Variants in HIC1 observed in about 807,000 individuals in gnomAD.
HIC1 encodes HIC ZBTB transcriptional repressor 1, also known as hypermethylated in cancer 1 protein.
Under a neutral mutation model 26.4 loss-of-function variants are expected in HIC1, and 9 were observed. The ratio of observed to expected loss-of-function variants is 0.34; its 90% confidence interval spans 0.21 to 0.59. HIC1 has a LOEUF of 0.59. HIC1 is among the 20% of genes least tolerant of loss of function. The pLI, the probability that HIC1 is intolerant of heterozygous loss-of-function variation, is 0.82. For missense variants in HIC1, 965 were observed against 1,075.7 expected (o/e 0.90, Z 1.44); for synonymous variants, 631 against 523.1 (o/e 1.21, Z -2.81).
chr17:2,057,323 T>G lies in HIC1; in HGVS notation c.633T>G (p.Cys211Trp). 4.0e-6 allele frequency: 6 copies of G among 1,502,986 alleles called. No homozygotes were observed. The highest frequency in any genetic ancestry group is 4.4e-6 in the Non-Finnish European group (5 of 1,134,758). The allele number at this position is 1,502,986 out of a possible 1,614,324, so 93.1% of individuals were successfully genotyped here. Residue 211 changes from cysteine to tryptophan, a missense_variant, in exon 2 of 2, where the codon TGT (cysteine) becomes TGG (tryptophan). Coordinates refer to ENST00000619757, the MANE Select transcript of HIC1 (RefSeq NM_006497.4). ...GACCCGGCCCGGCCGCCGCACTCTG[T>G]GCCTCGGAGCGCCGCTGCTCCCCTC... is the stretch of plus-strand genomic sequence containing the variant. ...ASGPGPAAAL[C>W]ASERRCSPLC...
Position 2,058,457 on chromosome 17 carries a change from C to T in HIC1, c.1767C>T (p.Ser589=). The change falls in exon 2 of 2, where the codon AGC becomes AGT. Residue 589 remains serine, a synonymous_variant. Coordinates refer to ENST00000619757, the MANE Select transcript of HIC1 (RefSeq NM_006497.4). Reference sequence around the variant, plus strand: ...TCGCACAGCAACGCAACCTCATCAGCCACATGAAGATGCACGCCGTGGGGG... The same window carrying T: ...TCGCACAGCAACGCAACCTCATCAGTCACATGAAGATGCACGCCGTGGGGG... ...GKFAQQRNLI[S]HMKMHAVGGA... 2 of 1,582,134 alleles carry T rather than the reference C, an allele frequency of 1.3e-6. No individual in the cohort carries two copies. The highest frequency in any genetic ancestry group is 1.7e-6 in the Non-Finnish European group (2 of 1,166,464).
At chr17:2,056,303 G>A (rs765676357) in intron 1 of HIC1, 11 of 1,612,624 alleles carry the variant, frequency 6.8e-6, no homozygotes, top group East Asian at 2.2e-5. Flanking sequence ...AAAGTTCTCC[G>A]CCCTGAATGA....
At position 2,057,777 on chromosome 17, in the gene HIC1, G is replaced by A; in HGVS notation, c.1087G>A (p.Gly363Ser). ...CCTGGCGCCGCCGCCGCGCTACCCT[G>A]GCAGCCTGGACGGGCCCGGCGCGGG... is the stretch of plus-strand genomic sequence containing the variant. ...LGLAPPPRYP[G>S]SLDGPGAGGD... is the part of the protein sequence containing the mutation. The change falls in exon 2 of 2, where the codon GGC becomes AGC. Residue 363 changes from glycine (G) to serine (S), a missense_variant. Gly to Ser is a moderately conservative substitution (Grantham distance 56). Transcript: ENST00000619757. The A allele has an allele frequency of 6.7e-7, 1 of 1,503,686 alleles. No homozygotes were observed. Among genetic ancestry groups the A allele is most frequent in the Non-Finnish European group, 8.8e-7 (1 of 1,132,360 alleles). 93.1% of individuals were successfully genotyped at this position (1,503,686 alleles called of 1,614,324 possible). A position where few individuals can be genotyped will look rare whatever the true frequency, so the allele number is the denominator to read the frequency against.
chr17:2,055,738 C>G lies in HIC1; in HGVS notation c.-21+500C>G, dbSNP rs2151367650. Among the ~76,000 whole-genome samples, 1 of 151,764 alleles carries G rather than the reference C, an allele frequency of 6.6e-6. No individual in the cohort carries two copies. Among genetic ancestry groups the G allele is most frequent in the East Asian group, 1.9e-4 (1 of 5,132 alleles). On this transcript the variant is annotated intron_variant, in intron 1 of 1. Coordinates refer to ENST00000619757, the MANE Select transcript of HIC1 (RefSeq NM_006497.4). The surrounding 1 kb of genome is among the most constrained non-coding windows in gnomAD (Gnocchi z 6.4). ...GGGCTCTGCCGCCGGATTTGGGGGC[C>G]GCGAGGAAGAGCTGCGAGCCGAGGG...
chr17:2,061,305 G>C lies in HIC1; in HGVS notation c.*2470G>C. 1.6e-6 allele frequency: 1 copy of C among 610,852 alleles called. No homozygotes were observed. The highest frequency in any genetic ancestry group is 2.0e-5 in the South Asian group (1 of 49,644). The allele number at this position is 610,852 out of a possible 1,614,324, so 37.8% of individuals were successfully genotyped here. On this transcript the variant is annotated 3_prime_UTR_variant, in exon 2 of 2. Transcript: ENST00000619757. ...AGGAGGGTCCCAGCAGCTTCCGCCC[G>C]ATCCTTGGGAGGGGCTCTGTGAGGA...
Position 2,061,610 on chromosome 17 carries a change from C to G in HIC1, c.*2775C>G. ...CAACAGCACCACCTCCCGCAGTAGC[C>G]GGATTGGCTCCTCTGTGGGCATGAG... On this transcript the variant is annotated 3_prime_UTR_variant, in exon 2 of 2. Coordinates refer to ENST00000619757, the MANE Select transcript of HIC1 (RefSeq NM_006497.4). 1 of 1,571,982 alleles carries G rather than the reference C, an allele frequency of 6.4e-7. No homozygotes were observed.
intron 1 of HIC1, chr17:2,056,098 C>T (rs1454297612): frequency 7.2e-5 from 18 of 251,448 alleles, no homozygotes; most frequent in Non-Finnish European, 7.4e-6. Context: ...CGCGCTCTGC[C>T]CGCCACGGCA....
At position 2,058,797 on chromosome 17, in the gene HIC1, C is replaced by A; in HGVS notation, c.2107C>A (p.Pro703Thr). 1.3e-6 allele frequency: 2 copies of A among 1,503,246 alleles called. No individual in the cohort carries two copies. The highest frequency in any genetic ancestry group is 1.8e-6 in the Non-Finnish European group (2 of 1,133,006). 93.1% of individuals were successfully genotyped at this position (1,503,246 alleles called of 1,614,324 possible). Residue 703 changes from proline (P) to threonine (T), a missense_variant, in exon 2 of 2, where the codon CCC becomes ACC. By Grantham distance (38) the Pro-to-Thr change is conservative (BLOSUM62 -1). This residue lies in a region of HIC1 where 210 missense variants were observed against 179.2 expected (regional missense o/e 1.17). Transcript: ENST00000619757. ...CCAGGGCGCTCACCTGGCGGCCGGG[C>A]CCGACGGCCGGACCATCGACCGTTT... ...LSQGAHLAAGPDGRTIDRFSP... is the reference protein window; with the variant it reads ...LSQGAHLAAGTDGRTIDRFSP...
In HIC1 at chr17:2,062,537, C is replaced by G. The variant is rs1050209564; in HGVS notation, c.*3702C>G. The G allele has an allele frequency of 6.6e-6, 1 of 151,150 alleles. No individual in the cohort carries two copies. The highest frequency in any genetic ancestry group is 1.5e-5 in the Non-Finnish European group (1 of 67,936). The allele number at this position is 151,150 out of a possible 1,614,324, so 9.4% of individuals were successfully genotyped here. A position where few individuals can be genotyped will look rare whatever the true frequency, so the allele number is the denominator to read the frequency against. ...TTTAAGCACAGTCTCTCCACTACCT[C>G]TCTTTCCCTAACTCCCTAATCTTTA... On this transcript the variant is annotated 3_prime_UTR_variant, in exon 2 of 2. Transcript: ENST00000619757.
chr17:2,058,548 G>A lies in HIC1; in HGVS notation c.1858G>A (p.Gly620Ser), dbSNP rs758757068. The A allele has an allele frequency of 2.6e-6, 4 of 1,530,708 alleles. No homozygotes were observed. The highest frequency in any genetic ancestry group is 1.7e-4 in the Middle Eastern group (1 of 5,862). 94.8% of individuals were successfully genotyped at this position (1,530,708 alleles called of 1,614,324 possible). A position where few individuals can be genotyped will look rare whatever the true frequency, so the allele number is the denominator to read the frequency against. The change falls in exon 2 of 2, where the codon GGC (glycine) becomes AGC (serine). Residue 620 changes from glycine to serine, a missense_variant. Physicochemically the swap from Gly to Ser is moderately conservative, Grantham distance 56 (BLOSUM62 0). This residue lies in a region of HIC1 where 210 missense variants were observed against 179.2 expected (regional missense o/e 1.17). Transcript: ENST00000619757. ...GCTCCCCGGCGTCCCCGGCCCCGAC[G>A]GCAAGGGCAAGCTCGACTTCCCCGA... ...GGLPGVPGPD[G>S]KGKLDFPEGV...
At position 2,061,212 on chromosome 17, in the gene HIC1, C is replaced by G. The variant is rs999329111; in HGVS notation, c.*2377C>G. ...GAGGGAGAAAGGCTGAGAGCATGGG[C>G]GGCCTATCTGGCTTGCCCAGCTGCT... is the stretch of plus-strand genomic sequence containing the variant. On this transcript the variant is annotated 3_prime_UTR_variant, in exon 2 of 2. Transcript: ENST00000619757. 9.4e-5 allele frequency: 35 copies of G among 372,944 alleles called. No homozygotes were observed. Among genetic ancestry groups the G allele is most frequent in the Non-Finnish European group, 4.1e-5 (8 of 197,358 alleles). 23.1% of individuals were successfully genotyped at this position (372,944 alleles called of 1,614,324 possible). A position where few individuals can be genotyped will look rare whatever the true frequency, so the allele number is the denominator to read the frequency against.
chr17:2,056,508 C>A, intron 1 of HIC1, 163 bp from the exon 2 acceptor site: 1 of 1,344,930 alleles, frequency 7.4e-7, no homozygotes, highest in Non-Finnish European at 1.0e-6. Context: ...CCGGCCTGGG[C>A]TCCCACTCCA....
Position 2,059,039 on chromosome 17 carries a change from T to C in HIC1, c.*204T>C. 2 of 490,136 alleles carry C rather than the reference T, an allele frequency of 4.1e-6. No homozygotes were observed. The allele number at this position is 490,136 out of a possible 1,614,324, so 30.4% of individuals were successfully genotyped here. ...TCGGGGGAGAACCCCGGGACGGGGG[T>C]GGGATGGGGTAAGGGAAATTTATAT... On this transcript the variant is annotated 3_prime_UTR_variant, in exon 2 of 2. Coordinates refer to ENST00000619757, the MANE Select transcript of HIC1 (RefSeq NM_006497.4).
At chr17:2,056,485 T>C in intron 1 of HIC1, 186 bp from the exon 2 acceptor site, 2 of 1,334,502 alleles carry the variant, frequency 1.5e-6, no homozygotes, top group Admixed American at 3.7e-5. Flanking sequence ...CTCCTTCTCC[T>C]GGTCCGGGCG....
Position 2,058,700 on chromosome 17 carries a change from G to A in HIC1, c.2010G>A (p.Glu670=). The change falls in exon 2 of 2, where the codon GAG becomes GAA. Residue 670 remains glutamate (E), a synonymous_variant. Transcript: ENST00000619757. Reference sequence around the variant, plus strand: ...TGCACGACCCCAAGGTGGCGCTGGAGAGCCTCTACCCGCTGGCCAAGTTCA... The same window carrying A: ...TGCACGACCCCAAGGTGGCGCTGGAAAGCCTCTACCCGCTGGCCAAGTTCA... The part of the protein sequence containing the change: ...HFLHDPKVAL[E]SLYPLAKFTA... 6.5e-7 allele frequency: 1 copy of A among 1,545,560 alleles called. No homozygotes were observed. The highest frequency in any genetic ancestry group is 8.7e-7 in the Non-Finnish European group (1 of 1,150,274).
At chr17:2,056,082 G>A in intron 1 of HIC1, 1 of 169,882 alleles carries the variant, frequency 5.9e-6, no homozygotes, top group Non-Finnish European at 1.2e-5. Context: ...CGCCGGGCCC[G>A]GCCTTCGCGC....
Position 2,058,413 on chromosome 17 carries a change from C to T in HIC1, c.1723C>T (p.Gln575Ter). 1 of 1,608,736 alleles carries T rather than the reference C, an allele frequency of 6.2e-7. No homozygotes were observed. The highest frequency in any genetic ancestry group is 8.5e-7 in the Non-Finnish European group (1 of 1,177,764). ...CTCGGGCGAGAAGCCCTACGAGTGC[C>T]AGGTGTGCGGCGGCAAGTTCGCACA... ...IHSGEKPYEC[Q>*]VCGGKFAQQR... The change falls in exon 2 of 2, where the codon CAG becomes TAG. Residue 575 changes from glutamine to a stop codon, truncating the protein, a stop_gained. Coordinates refer to ENST00000619757, the MANE Select transcript of HIC1 (RefSeq NM_006497.4). LOFTEE classifies it high-confidence loss of function.
At position 2,055,836 on chromosome 17, in the gene HIC1, T is replaced by G. The variant is rs951531123; in HGVS notation, c.-21+598T>G. The stretch of plus-strand genomic sequence containing the variant: ...TTCCCCAAGTTTGGGGCGGCGGAGT[T>G]CCGGGGGAGAAGGGGCCGGGGGAGC... On this transcript the variant is annotated intron_variant, in intron 1 of 1. Transcript: ENST00000619757. The surrounding 1 kb of genome is among the most constrained non-coding windows in gnomAD (Gnocchi z 6.4). 2.7e-5 allele frequency among the ~76,000 whole-genome samples: 4 copies of G among 150,412 alleles called. No individual in the cohort carries two copies. The highest frequency in any genetic ancestry group is 9.8e-5 in the African/African-American group (4 of 40,970).
chr17:2,055,725 C>G lies in HIC1; in HGVS notation c.-21+487C>G, dbSNP rs1035803158. 6.6e-6 allele frequency among the ~76,000 whole-genome samples: 1 copy of G among 151,426 alleles called. No homozygotes were observed. Among genetic ancestry groups the G allele is most frequent in the Non-Finnish European group, 1.5e-5 (1 of 67,772 alleles). ...AGGGCTCGGCTCCGGGCTCTGCCGCCGGATTTGGGGGCCGCGAGGAAGAGC... is the reference window on the plus strand; with the variant it reads ...AGGGCTCGGCTCCGGGCTCTGCCGCGGGATTTGGGGGCCGCGAGGAAGAGC... On this transcript the variant is annotated intron_variant, in intron 1 of 1. Coordinates refer to ENST00000619757, the MANE Select transcript of HIC1 (RefSeq NM_006497.4). This position sits in a 1 kb window ranked among gnomAD's most constrained non-coding sequence, Gnocchi z 6.4.
Sources: gnomAD v4.1 joint callset for allele counts (sites outside exome capture counted in the v4.1 genomes callset) on GRCh38, gnomAD v4.1.1 for gene constraint, gnomAD v4.1.1 regional missense constraint, Gnocchi (gnomAD v3.1) non-coding constraint, MANE v1.5 for transcripts, NCBI Gene and HGNC (gene_info 2026-07-23, HGNC 2026-07-21) for gene names.